The following SH3PXD2B variants were observed in gnomAD, a reference collection of about 807,000 sequenced individuals.
The protein encoded by SH3PXD2B is SH3 and PX domain-containing protein 2B.
Under a neutral mutation model 73.1 loss-of-function variants are expected in SH3PXD2B, and 37 were observed. The ratio of observed to expected loss-of-function variants is 0.51; its 90% CI spans 0.39 to 0.67. The LOEUF (loss-of-function observed/expected upper bound fraction) is 0.67, where lower values mean the gene tolerates loss of function less well. Ranked by LOEUF, SH3PXD2B falls within the 30% of genes least tolerant of loss-of-function variation. SH3PXD2B has a pLI of 0.00. For synonymous variants in SH3PXD2B, 457 were observed against 480.5 expected, an observed-to-expected ratio of 0.95 and a Z score of 0.64; for missense variants, 1,053 against 1,197.8, an observed-to-expected ratio of 0.88 and a Z score of 1.78.
Position 172,337,348 on chromosome 5 carries a change from C to T in SH3PXD2B, c.*1021G>A. 2 of 985,302 alleles carry T rather than the reference C, an allele frequency of 2.0e-6. No homozygotes were observed. The highest frequency in any genetic ancestry group is 2.4e-6 in the Non-Finnish European group (2 of 829,750). The allele number at this position is 985,302 out of a possible 1,614,324, so 61.0% of individuals were successfully genotyped here. On this transcript the variant is annotated 3_prime_UTR_variant, in exon 13 of 13. Coordinates refer to ENST00000311601, the MANE Select transcript of SH3PXD2B (RefSeq NM_001017995.3). ...GGAGGGCACAGGCACTGAAGTCAGG[C>T]AGGCCTGGACTCAAATCCTCTTCCC...
chr5:172,413,910 T>C (rs1485467177), intron 2 of SH3PXD2B, among the ~76,000 whole-genome samples: 1 of 152,112 alleles, frequency 6.6e-6, no homozygotes, highest in Non-Finnish European at 1.5e-5. Context: ...TTTGGATAAA[T>C]ATGGTTGGTG....
intron 6 of SH3PXD2B, among the ~76,000 whole-genome samples, chr5:172,368,456 TATATATATATATTATATATATATATAAA>T (rs1195774965): frequency 0.015 from 658 of 42,570 alleles, 92 homozygotes; most frequent in African/African-American, 0.022. Context: ...AGAATGCTTA[TATATATATATATTATATATATATATAAA>T]ATATATATAT....
At chr5:172,333,145 G>A (rs1056331695), downstream of SH3PXD2B, among the ~76,000 whole-genome samples, 5 of 151,956 alleles carry the variant, frequency 3.3e-5, no homozygotes, top group African/African-American at 1.2e-4. Flanking sequence ...ATATTGGCCA[G>A]GCTGGTCTCG....
chr5:172,445,979 G>T lies in SH3PXD2B; in HGVS notation c.75+8299C>A, dbSNP rs143064352. 4.6e-5 allele frequency among the ~76,000 whole-genome samples: 7 copies of T among 152,346 alleles called. No homozygotes were observed. The highest frequency in any genetic ancestry group is 1.7e-4 in the African/African-American group (7 of 41,592). ...CAGAGTCCGGAGGAGGCAGCCACAC[G>T]AGCCCTGCCCCCGGCCCACTGCTGG... On this transcript the variant is annotated intron_variant, in intron 1 of 12. Coordinates refer to ENST00000311601, the MANE Select transcript of SH3PXD2B (RefSeq NM_001017995.3). This position sits in a 1 kb window ranked among gnomAD's most constrained non-coding sequence, Gnocchi z 5.2.
intron 7 of SH3PXD2B, among the ~76,000 whole-genome samples, chr5:172,361,026 T>G (rs966918531): frequency 2.0e-5 from 3 of 152,120 alleles, no homozygotes; most frequent in Admixed American, 1.3e-4. Flanking sequence ...AGGAGCTAGA[T>G]AGTAACTAAA....
intron 5 of SH3PXD2B, among the ~76,000 whole-genome samples, chr5:172,376,590 T>C (rs1259246024): frequency 4.6e-5 from 7 of 152,150 alleles, no homozygotes; most frequent in African/African-American, 1.7e-4. Flanking sequence ...AGTCCTCCTG[T>C]ATGTCTGGGA....
At chr5:172,413,759 C>A (rs1302533139) in intron 2 of SH3PXD2B, among the ~76,000 whole-genome samples, 3 of 152,220 alleles carry the variant, frequency 2.0e-5, no homozygotes, top group Non-Finnish European at 4.4e-5. Context: ...CCCAGTGACA[C>A]ACCTTCCATA....
intron 10 of SH3PXD2B, among the ~76,000 whole-genome samples, chr5:172,349,668 C>T (rs1467843901): frequency 6.6e-6 from 1 of 152,180 alleles, no homozygotes; most frequent in Non-Finnish European, 1.5e-5. Context: ...CCCTCTCACC[C>T]TTCAGACTCC....
intron 7 of SH3PXD2B, among the ~76,000 whole-genome samples, chr5:172,360,473 G>A (rs1008587508): frequency 3.3e-5 from 5 of 152,198 alleles, no homozygotes; most frequent in Admixed American, 6.5e-5. Context: ...CTGCTGGAGG[G>A]AGGATAAATC....
intron 2 of SH3PXD2B, among the ~76,000 whole-genome samples, chr5:172,415,595 A>C (rs986502789): frequency 3.0e-4 from 45 of 152,326 alleles, no homozygotes; most frequent in Middle Eastern, 3.4e-3. Flanking sequence ...TGAGGACAGA[A>C]TGAGATGGCA....
intron 1 of SH3PXD2B, among the ~76,000 whole-genome samples, chr5:172,451,340 A>G (rs184141660): frequency 6.6e-6 from 1 of 152,152 alleles, no homozygotes; most frequent in Admixed American, 6.5e-5. Flanking sequence ...CTGACTTTAT[A>G]GTCTATGGCG....
At chr5:172,412,731 T>C (rs1057231989) in intron 2 of SH3PXD2B, among the ~76,000 whole-genome samples, 5 of 152,212 alleles carry the variant, frequency 3.3e-5, no homozygotes, top group Non-Finnish European at 7.3e-5. Flanking sequence ...AGGCCCAGGC[T>C]GTCTGCAGCA....
intron 1 of SH3PXD2B, among the ~76,000 whole-genome samples, chr5:172,453,275 CAGG>C (rs1255961212): frequency 2.0e-5 from 3 of 152,140 alleles, no homozygotes; most frequent in Non-Finnish European, 2.9e-5. Context: ...TCTCTGCAGC[CAGG>C]CTCCGCCACT....
chr5:172,340,385 T>C (rs1423052699), intron 12 of SH3PXD2B, among the ~76,000 whole-genome samples: 3 of 152,078 alleles, frequency 2.0e-5, no homozygotes. Flanking sequence ...CTACCCAGGG[T>C]ATTAACTCCT....
In SH3PXD2B at chr5:172,406,292, T is replaced by C; in HGVS notation, c.217A>G (p.Ile73Val). 1 of 1,614,070 alleles carries C rather than the reference T, an allele frequency of 6.2e-7. No individual in the cohort carries two copies. Among genetic ancestry groups the C allele is most frequent in the Non-Finnish European group, 8.5e-7 (1 of 1,179,998 alleles). ...TCTCACCTACCTGGCAGAAAGGGGA[T>C]GATCCGCTGCTTGGGGTCCTTCTGT... ...GGQKDPKQRIIPFLPGKILFR... is the reference protein window; with the variant it reads ...GGQKDPKQRIVPFLPGKILFR... Residue 73 changes from isoleucine (I) to valine (V), a missense_variant, in exon 3 of 13, where the codon ATC (isoleucine) becomes GTC (valine). Ile to Val is a conservative substitution (Grantham distance 29, BLOSUM62 3). Around this residue, in one of 2 missense-constraint regions of SH3PXD2B, gnomAD observed 466 missense variants for 607.1 expected, o/e 0.77. Transcript: ENST00000311601.
intron 10 of SH3PXD2B, among the ~76,000 whole-genome samples, chr5:172,347,697 T>G (rs1757027121): frequency 1.3e-5 from 2 of 152,128 alleles, no homozygotes; most frequent in African/African-American, 4.8e-5. Context: ...GACAGATGAT[T>G]GGATTCTCTG....
rs1183752755 is a variant in SH3PXD2B, at chr5:172,439,684, A to ACG, written c.75+14592_75+14593dup. Among the ~76,000 whole-genome samples, 625 of 103,256 alleles carry ACG rather than the reference A, an allele frequency of 6.1e-3. 2 individuals carry two copies. Among genetic ancestry groups the ACG allele is most frequent in the African/African-American group, 0.019 (426 of 22,640 alleles). The allele number at this position is 103,256 out of a possible 152,430, so 67.7% of individuals were successfully genotyped here. ...GGTATGTGTGTGCGTGCGTGCGCGC[A>ACG]CGCGCGCGCACACACACACACACAC... On this transcript the variant is annotated intron_variant, in intron 1 of 12. Coordinates refer to ENST00000311601, the MANE Select transcript of SH3PXD2B (RefSeq NM_001017995.3).
downstream of SH3PXD2B, among the ~76,000 whole-genome samples, chr5:172,330,900 A>G (rs1452284834): frequency 6.6e-6 from 1 of 152,218 alleles, no homozygotes; most frequent in Non-Finnish European, 1.5e-5. Flanking sequence ...GTACTCAGTA[A>G]AAGTTAGATC....
At chr5:172,328,412 T>C (rs947296990) in intron 12 of SH3PXD2B, among the ~76,000 whole-genome samples, 1 of 152,090 alleles carries the variant, frequency 6.6e-6, no homozygotes, top group Non-Finnish European at 1.5e-5. Context: ...CCGCCTAGGC[T>C]GATTTTAAAC....
Sources: allele counts gnomAD v4.1 joint callset (sites outside exome capture counted in the v4.1 genomes callset), GRCh38; gene constraint gnomAD v4.1.1; regional missense constraint gnomAD v4.1.1; non-coding constraint Gnocchi (gnomAD v3.1); transcripts MANE v1.5; gene names NCBI Gene and HGNC (gene_info 2026-07-23, HGNC 2026-07-21).